SPOCK3: variants seen among roughly 807,000 people sequenced by gnomAD.
SPOCK3 encodes testican-3.
A neutral mutation model predicts 56.6 loss-of-function variants in SPOCK3; 30 were observed. That is an observed-to-expected ratio of 0.53 (90% confidence interval 0.40 to 0.72). The LOEUF is 0.72. Among genes scored for constraint, SPOCK3 ranks in the 30% least tolerant of loss-of-function variants. SPOCK3 has a pLI of 0.00. For synonymous variants in SPOCK3, 196 were observed against 183.3 expected (o/e 1.07, Z -0.56); for missense variants, 527 against 530.0 (o/e 0.99, Z 0.06).
At chr4:167,083,978 T>A (rs1757956075) in intron 2 of SPOCK3, among the ~76,000 whole-genome samples, 1 of 152,120 alleles carries the variant, frequency 6.6e-6, no homozygotes, top group African/African-American at 2.4e-5. Flanking sequence ...GGGTGACTAT[T>A]TAGCAGAAAG....
chr4:167,027,633 CAGT>C (rs1751817841), intron 3 of SPOCK3, among the ~76,000 whole-genome samples: 1 of 152,054 alleles, frequency 6.6e-6, no homozygotes, highest in Non-Finnish European at 1.5e-5. Flanking sequence ...TTACCGTTAA[CAGT>C]CCATTACACA....
At chr4:167,090,520 T>G (rs1758610978) in intron 2 of SPOCK3, among the ~76,000 whole-genome samples, 1 of 152,078 alleles carries the variant, frequency 6.6e-6, no homozygotes, top group African/African-American at 2.4e-5. Context: ...TTTTTTTTTT[T>G]GAGACAGAGT....
intron 7 of SPOCK3, among the ~76,000 whole-genome samples, chr4:166,763,790 A>G (rs1737572109): frequency 6.6e-6 from 1 of 152,154 alleles, no homozygotes; most frequent in South Asian, 2.1e-4. Flanking sequence ...AAAGTAAAAT[A>G]TAGTTAATTA....
chr4:166,838,295 T>C (rs1004376868), intron 6 of SPOCK3, among the ~76,000 whole-genome samples: 1 of 152,196 alleles, frequency 6.6e-6, no homozygotes, highest in Non-Finnish European at 1.5e-5. Flanking sequence ...AAGACTCAAA[T>C]GACATAAATG....
intron 4 of SPOCK3, among the ~76,000 whole-genome samples, chr4:166,976,330 ATC>A (rs1369326034): frequency 6.6e-6 from 1 of 152,152 alleles, no homozygotes; most frequent in Non-Finnish European, 1.5e-5. Flanking sequence ...CTGCACTGCT[ATC>A]ATCCCAGCCA....
intron 3 of SPOCK3, among the ~76,000 whole-genome samples, chr4:167,046,092 T>C (rs942866023): frequency 6.6e-6 from 1 of 152,158 alleles, no homozygotes; most frequent in Non-Finnish European, 1.5e-5. Context: ...TATATTCTTC[T>C]AACTTGTTTT....
At chr4:166,837,174 C>CT (rs1746705763) in intron 6 of SPOCK3, among the ~76,000 whole-genome samples, 1 of 152,256 alleles carries the variant, frequency 6.6e-6, no homozygotes, top group South Asian at 2.1e-4. Flanking sequence ...ATTGGGAAGT[C>CT]TTTAAGATTC....
In SPOCK3 at chr4:166,752,613, CAT is replaced by C. The variant is rs1436293672; in HGVS notation, c.931+1893_931+1894del. Among the ~76,000 whole-genome samples, 312 of 143,826 alleles carry C rather than the reference CAT, an allele frequency of 2.2e-3. 1 individual carries two copies. The highest frequency in any genetic ancestry group is 0.018 in the East Asian group (87 of 4,754). 94.4% of individuals were successfully genotyped at this position (143,826 alleles called of 152,430 possible). On this transcript the variant is annotated intron_variant, in intron 8 of 10. Coordinates refer to ENST00000357545, the MANE Select transcript of SPOCK3 (RefSeq NM_001040159.2). Reference sequence around the variant, plus strand: ...ACACACACACACACACACACACACACATATATTTATAGCTACAGTAAACAAGA... The same window carrying C: ...ACACACACACACACACACACACACACATATTTATAGCTACAGTAAACAAGA...
At chr4:166,878,460 T>A (rs146929089) in intron 6 of SPOCK3, among the ~76,000 whole-genome samples, 97 of 147,346 alleles carry the variant, frequency 6.6e-4, no homozygotes, top group African/African-American at 2.4e-3. Context: ...AATAAATTTT[T>A]AAAATTTTTA....
At chr4:167,093,917 T>C (rs994591416) in intron 2 of SPOCK3, among the ~76,000 whole-genome samples, 1 of 152,198 alleles carries the variant, frequency 6.6e-6, no homozygotes, top group African/African-American at 2.4e-5. Flanking sequence ...TTAAGCCCAT[T>C]CTGATTTCTT....
rs538605714 is a variant in SPOCK3, at chr4:166,844,012, C to A, written c.589+45118G>T. Reference sequence around the variant, plus strand: ...GGTATGTGAATGTGTCCATTTTAGACAATTCAGCCCCAGCCCAGCAACCAG... The same window carrying A: ...GGTATGTGAATGTGTCCATTTTAGAAAATTCAGCCCCAGCCCAGCAACCAG... On this transcript the variant is annotated intron_variant, in intron 6 of 10. Transcript: ENST00000357545. Among the ~76,000 whole-genome samples, 467 of 152,288 alleles carry A rather than the reference C, an allele frequency of 3.1e-3. 3 individuals carry two copies. Among genetic ancestry groups the A allele is most frequent in the African/African-American group, 0.011 (445 of 41,578 alleles).
chr4:167,090,141 T>G (rs181246592), intron 2 of SPOCK3, among the ~76,000 whole-genome samples: 1 of 152,200 alleles, frequency 6.6e-6, no homozygotes, highest in South Asian at 2.1e-4. Flanking sequence ...TAAATACTTA[T>G]GAGTAGGACT....
intron 2 of SPOCK3, among the ~76,000 whole-genome samples, chr4:167,172,266 A>G (rs1206897634): frequency 6.6e-6 from 1 of 152,200 alleles, no homozygotes; most frequent in African/African-American, 2.4e-5. Context: ...AAATTTCTTC[A>G]CAAAGTCATT....
chr4:166,853,889 A>G (rs929703256), intron 6 of SPOCK3, among the ~76,000 whole-genome samples: 1 of 152,126 alleles, frequency 6.6e-6, no homozygotes, highest in African/African-American at 2.4e-5. Context: ...CTCAAAAAAA[A>G]AAAGAAAAAA....
chr4:166,808,622 A>G (rs984796340), intron 6 of SPOCK3, among the ~76,000 whole-genome samples: 4 of 152,092 alleles, frequency 2.6e-5, no homozygotes, highest in Admixed American at 6.6e-5. Context: ...CATCCAGCCT[A>G]TGGTATTTTA....
chr4:167,222,105 T>C (rs1454245023), intron 2 of SPOCK3, among the ~76,000 whole-genome samples: 1 of 152,106 alleles, frequency 6.6e-6, no homozygotes, highest in Non-Finnish European at 1.5e-5. Flanking sequence ...ATACATACAA[T>C]GGAATATTAT....
At chr4:167,157,617 T>A (rs1438923901) in intron 2 of SPOCK3, among the ~76,000 whole-genome samples, 2 of 145,132 alleles carry the variant, frequency 1.4e-5, no homozygotes, top group Admixed American at 7.2e-5. Context: ...AAGGTTTTTT[T>A]TAAAAAAAAA....
chr4:166,877,323 C>T (rs1019485565), intron 6 of SPOCK3, among the ~76,000 whole-genome samples: 1 of 152,194 alleles, frequency 6.6e-6, no homozygotes, highest in African/African-American at 2.4e-5. Flanking sequence ...TATCATTGAA[C>T]ATTCCTTGAT....
chr4:167,137,918 T>C (rs1424075025), intron 2 of SPOCK3, among the ~76,000 whole-genome samples: 1 of 151,888 alleles, frequency 6.6e-6, no homozygotes, highest in Non-Finnish European at 1.5e-5. Context: ...GCCAAGGTAA[T>C]CCTTCTCTAT....
Sources: allele counts gnomAD v4.1 joint callset (sites outside exome capture counted in the v4.1 genomes callset), GRCh38; gene constraint gnomAD v4.1.1; transcripts MANE v1.5; gene names NCBI Gene and HGNC (gene_info 2026-07-23, HGNC 2026-07-21).